Variants in ZAN observed in about 807,000 individuals in gnomAD.
The protein encoded by ZAN is zonadhesin (gene/pseudogene).
Under a neutral mutation model 286.2 loss-of-function variants are expected in ZAN, and 260 were observed. The observed-to-expected ratio is 0.91, with a 90% confidence interval of 0.82 to 1.01. The LOEUF (loss-of-function observed/expected upper bound fraction) is 1.01. Ranked by LOEUF, ZAN falls within the 50% of genes least tolerant of loss-of-function variation. The pLI is 0.00. For missense variants in ZAN, 3,410 were observed against 3,639.2 expected, an observed-to-expected ratio of 0.94 and a Z score of 1.62; for synonymous variants, 1,368 against 1,417.5, an observed-to-expected ratio of 0.97 and a Z score of 0.79.
At chr7:100,759,625 G>T in intron 17 of ZAN, 96 bp from the exon 18 acceptor site, 1 of 1,314,634 alleles carries the variant, frequency 7.6e-7, no homozygotes, top group Admixed American at 3.3e-5. Flanking sequence ...TCTCGGTGGC[G>T]CTCATCTCTC....
At chr7:100,790,486 T>C (rs1407200585) in intron 39 of ZAN, among the ~76,000 whole-genome samples, 1 of 145,308 alleles carries the variant, frequency 6.9e-6, no homozygotes, top group Non-Finnish European at 1.5e-5. Flanking sequence ...GGAGTGAACC[T>C]GGGAGGCGGA....
At chr7:100,791,660 G>T (rs1811968419) in intron 40 of ZAN, among the ~76,000 whole-genome samples, 1 of 152,234 alleles carries the variant, frequency 6.6e-6, no homozygotes, top group Admixed American at 6.6e-5. Flanking sequence ...GCCCACCTAG[G>T]CCTCCCAAAG....
At chr7:100,778,061 G>C (rs1220693459) in intron 34 of ZAN, among the ~76,000 whole-genome samples, 1 of 152,042 alleles carries the variant, frequency 6.6e-6, no homozygotes, top group East Asian at 1.9e-4. Flanking sequence ...AGCACTTTGG[G>C]AGGCCAAGAC....
chr7:100,787,776 G>C (rs1218590729), intron 37 of ZAN, 113 bp from the exon 38 acceptor site: 9 of 1,171,202 alleles, frequency 7.7e-6, no homozygotes, highest in African/African-American at 1.6e-5. Context: ...TGGCCAGGCT[G>C]GTCTCAAACT....
At chr7:100,761,379 C>A (rs574595325) in intron 19 of ZAN, among the ~76,000 whole-genome samples, 2 of 152,072 alleles carry the variant, frequency 1.3e-5, no homozygotes, top group South Asian at 2.1e-4. Context: ...GTGGCCTGCA[C>A]CTATAATCTC....
At position 100,767,860 on chromosome 7, in the gene ZAN, G is replaced by A; in HGVS notation, c.4890G>A (p.Val1630=). The A allele has an allele frequency of 6.2e-7, 1 of 1,613,838 alleles. No individual in the cohort carries two copies. Among genetic ancestry groups the A allele is most frequent in the East Asian group, 2.2e-5 (1 of 44,872 alleles). The change falls in exon 26 of 48, where the codon GTG becomes GTA. Residue 1630 remains valine (V), a synonymous_variant. Transcript: ENST00000613979. ...ATGGCCATCGGGTGGCCCTACCTGT[G>A]TGGCTTGCACAAGGCCGGGTGACCA... ...MLNGHRVALP[V]WLAQGRVTIR...
At chr7:100,749,588 C>T (rs1471013086) in intron 11 of ZAN, among the ~76,000 whole-genome samples, 6 of 144,306 alleles carry the variant, frequency 4.2e-5, no homozygotes, top group East Asian at 2.0e-4. Flanking sequence ...TGCAGTGAGC[C>T]GAGATCACGC....
At chr7:100,764,834 C>A (rs562178124) in intron 22 of ZAN, among the ~76,000 whole-genome samples, 1 of 152,072 alleles carries the variant, frequency 6.6e-6, no homozygotes, top group African/African-American at 2.4e-5. Flanking sequence ...GCAGAGATTG[C>A]GCCACTGCAC....
chr7:100,750,897 G>T lies in ZAN; in HGVS notation c.1521+1G>T. 1.3e-6 allele frequency: 2 copies of T among 1,535,274 alleles called. No individual in the cohort carries two copies. The highest frequency in any genetic ancestry group is 1.8e-6 in the Non-Finnish European group (2 of 1,140,176). ...CTCAGGACACCAACAGCCCATGCAG[G>T]TGAGAGACGGAGGCGGGGGTCCTGT... On this transcript the variant is annotated splice_donor_variant, in intron 12 of 47. Coordinates refer to ENST00000613979, the MANE Select transcript of ZAN (RefSeq NM_003386.3). LOFTEE classifies it high-confidence loss of function.
rs748974746 is a variant in ZAN, at chr7:100,788,035, C to T, written c.7126C>T (p.Arg2376Cys). 2.8e-5 allele frequency: 44 copies of T among 1,599,492 alleles called. No individual in the cohort carries two copies. The highest frequency in any genetic ancestry group is 9.0e-5 in the South Asian group (8 of 89,036). ...EGVEPLLVEG[R>C]NKMDPPRSSI... ...GGTGGAGCCCCTCCTCGTGGAAGGA[C>T]GCAACAAGATGGATCCGCCCAGGAG... Residue 2376 changes from arginine (R) to cysteine (C), a missense_variant, in exon 38 of 48, where the codon CGC (arginine) becomes TGC (cysteine). Coordinates refer to ENST00000613979, the MANE Select transcript of ZAN (RefSeq NM_003386.3).
At chr7:100,785,721 C>T (rs1262526411) in intron 36 of ZAN, among the ~76,000 whole-genome samples, 1 of 147,148 alleles carries the variant, frequency 6.8e-6, no homozygotes, top group Admixed American at 6.8e-5. Flanking sequence ...TGCAGTGGTG[C>T]GATCTTGGCT....
Position 100,747,714 on chromosome 7 carries a change from G to T in ZAN, c.1023+73G>T. On this transcript the variant is annotated intron_variant, in intron 9 of 47. Coordinates refer to ENST00000613979, the MANE Select transcript of ZAN (RefSeq NM_003386.3). ...AATGTTGAAATAAATTGAGGGGCCT[G>T]GTGCTGTGGCTCATGCCTGTATTCC... The T allele has an allele frequency of 2.1e-6, 3 of 1,419,828 alleles. No homozygotes were observed. The South Asian group carries it at 3.5e-5, about 16-fold the overall frequency. The allele number at this position is 1,419,828 out of a possible 1,614,324, so 88.0% of individuals were successfully genotyped here. A position where few individuals can be genotyped will look rare whatever the true frequency, so the allele number is the denominator to read the frequency against.
rs1307865871 is a variant in ZAN at position 100,775,792 on chromosome 7, C to A, written c.6151C>A (p.His2051Asn). The A allele has an allele frequency of 1.2e-6, 2 of 1,613,770 alleles. No homozygotes were observed. The highest frequency in any genetic ancestry group is 2.2e-5 in the East Asian group (1 of 44,894). The change falls in exon 33 of 48, where the codon CAT (histidine) becomes AAT (asparagine). Residue 2051 changes from histidine (H) to asparagine (N), a missense_variant. By Grantham distance (68) the His-to-Asn change is moderately conservative. This residue lies in a region of ZAN where 1,289 missense variants were observed against 1,314.3 expected (regional missense o/e 0.98). Coordinates refer to ENST00000613979, the MANE Select transcript of ZAN (RefSeq NM_003386.3). ...IGVQVKFDGN[H>N]LLEIEIPTTY... is the part of the protein sequence containing the mutation. ...GGTGCAAGTCAAGTTTGACGGGAAT[C>A]ATCTCTTAGAGATTGAAATCCCCAC... is the stretch of plus-strand genomic sequence containing the variant.
At position 100,735,817 on chromosome 7, in the gene ZAN, G is replaced by A. The variant is rs765432572; in HGVS notation, c.106+45G>A. The A allele has an allele frequency of 1.2e-5, 17 of 1,366,112 alleles. 2 individuals carry two copies. The highest frequency in any genetic ancestry group is 1.8e-4 in the Middle Eastern group (1 of 5,582). The allele number at this position is 1,366,112 out of a possible 1,614,324, so 84.6% of individuals were successfully genotyped here. A position where few individuals can be genotyped will look rare whatever the true frequency, so the allele number is the denominator to read the frequency against. Reference sequence around the variant, plus strand: ...TGCTAAGATTTCTCCTCCCTCCTCCGAACCCACATTCTGCCACCAGAATGC... The same window carrying A: ...TGCTAAGATTTCTCCTCCCTCCTCCAAACCCACATTCTGCCACCAGAATGC... On this transcript the variant is annotated intron_variant, in intron 3 of 47. Coordinates refer to ENST00000613979, the MANE Select transcript of ZAN (RefSeq NM_003386.3).
intron 15 of ZAN, 48 bp from the exon 16 acceptor site, chr7:100,758,154 T>C: frequency 2.1e-6 from 3 of 1,415,530 alleles, no homozygotes; most frequent in Non-Finnish European, 2.8e-6. Context: ...AAGGGAGAAG[T>C]ACTCTAGGAG....
Position 100,737,357 on chromosome 7 carries a change from C to T in ZAN, c.613+8C>T. Reference sequence around the variant, plus strand: ...GGGGCTCCTGTAATCGCGGTGAGTCCCTGTCCCTCCTCCCGCCTGCCCTCG... The same window carrying T: ...GGGGCTCCTGTAATCGCGGTGAGTCTCTGTCCCTCCTCCCGCCTGCCCTCG... On this transcript the variant is annotated splice_region_variant and intron_variant, in intron 6 of 47. Transcript: ENST00000613979. 2 of 1,432,038 alleles carry T rather than the reference C, an allele frequency of 1.4e-6. 1 individual carries two copies. Among genetic ancestry groups the T allele is most frequent in the Non-Finnish European group, 1.9e-6 (2 of 1,053,186 alleles). The allele number at this position is 1,432,038 out of a possible 1,614,324, so 88.7% of individuals were successfully genotyped here.
chr7:100,766,629 T>G lies in ZAN; in HGVS notation c.4575T>G (p.Cys1525Trp), dbSNP rs1709581063. Reference protein sequence around the residue: ...QPWRCRAQEFCGQQDGIYGCH... With the variant: ...QPWRCRAQEFWGQQDGIYGCH... ...GGAGGTGTAGGGCCCAGGAGTTCTG[T>G]GGCCAACAGGATGGTATCTATGGCT... Residue 1525 changes from cysteine to tryptophan, a missense_variant, in exon 24 of 48, where the codon TGT becomes TGG. Cys to Trp is a radical substitution (Grantham distance 215). This residue lies in a region of ZAN where 1,042 missense variants were observed against 1,058.0 expected (regional missense o/e 0.98). Coordinates refer to ENST00000613979, the MANE Select transcript of ZAN (RefSeq NM_003386.3). 6.4e-7 allele frequency: 1 copy of G among 1,563,634 alleles called. No individual in the cohort carries two copies. The highest frequency in any genetic ancestry group is 8.7e-7 in the Non-Finnish European group (1 of 1,154,218).
intron 40 of ZAN, among the ~76,000 whole-genome samples, chr7:100,791,347 C>T (rs2116325493): frequency 6.7e-6 from 1 of 148,338 alleles, no homozygotes; most frequent in African/African-American, 2.6e-5. Flanking sequence ...GTTATTTTTC[C>T]TTCTTCCTTC....
At chr7:100,787,261 T>TA (rs911764564) in intron 37 of ZAN, among the ~76,000 whole-genome samples, 27 of 140,244 alleles carry the variant, frequency 1.9e-4, no homozygotes, top group Non-Finnish European at 2.3e-4. Context: ...TGGCCATTTC[T>TA]AAAAAAAAAA....
Sources: gnomAD v4.1 joint callset for allele counts (sites outside exome capture counted in the v4.1 genomes callset) on GRCh38, gnomAD v4.1.1 for gene constraint, gnomAD v4.1.1 regional missense constraint, MANE v1.5 for transcripts, NCBI Gene and HGNC (gene_info 2026-07-23, HGNC 2026-07-21) for gene names.